PTPRD: variants seen among roughly 807,000 people sequenced by gnomAD.
The protein encoded by PTPRD is protein tyrosine phosphatase receptor type D.
In PTPRD, 34 loss-of-function variants were observed where a neutral mutation model predicts 214.5. The observed-to-expected ratio is 0.16, with a 90% CI of 0.12 to 0.21. PTPRD has a LOEUF of 0.21. PTPRD is among the 10% of genes least tolerant of loss of function. PTPRD has a pLI of 1.00. For synonymous variants in PTPRD, 1,128 were observed against 845.7 expected (o/e 1.33, Z -5.79); for missense variants, 2,545 against 2,398.7 (o/e 1.06, Z -1.27).
At chr9:9,979,071 G>C (rs1207458523) in intron 4 of PTPRD, among the ~76,000 whole-genome samples, 2 of 151,888 alleles carry the variant, frequency 1.3e-5, no homozygotes, top group East Asian at 3.9e-4. Flanking sequence ...GGATAAAATA[G>C]TTTTCAGACA....
intron 35 of PTPRD, among the ~76,000 whole-genome samples, chr9:8,420,009 T>G (rs2094242338): frequency 6.6e-6 from 1 of 152,050 alleles, no homozygotes; most frequent in Non-Finnish European, 1.5e-5. Context: ...ATGTATTGAG[T>G]GTCAGAAAAA....
chr9:10,264,733 T>C (rs901010033), intron 3 of PTPRD, among the ~76,000 whole-genome samples: 1 of 152,158 alleles, frequency 6.6e-6, no homozygotes, highest in Admixed American at 6.5e-5. Context: ...ATGATTAATT[T>C]TGAAATCTGA....
At chr9:9,100,264 G>C (rs771524549) in intron 10 of PTPRD, among the ~76,000 whole-genome samples, 26 of 152,102 alleles carry the variant, frequency 1.7e-4, no homozygotes, top group Non-Finnish European at 3.5e-4. Context: ...GGACACAGCA[G>C]TAGGTATTAC....
At chr9:8,639,931 G>C (rs189263668) in intron 12 of PTPRD, among the ~76,000 whole-genome samples, 1 of 152,154 alleles carries the variant, frequency 6.6e-6, no homozygotes, top group Non-Finnish European at 1.5e-5. Flanking sequence ...AGGCATTGAA[G>C]TTTTTTGTTT....
At chr9:9,941,018 T>C (rs933469761) in intron 4 of PTPRD, among the ~76,000 whole-genome samples, 1 of 151,620 alleles carries the variant, frequency 6.6e-6, no homozygotes, top group Admixed American at 6.6e-5. Context: ...AAAAAAAGAG[T>C]TGTCTTGGGC....
chr9:10,529,556 C>T (rs879524141), intron 2 of PTPRD, among the ~76,000 whole-genome samples: 6 of 98,184 alleles, frequency 6.1e-5, no homozygotes, highest in African/African-American at 1.2e-4. Context: ...ACATCATACA[C>T]GGGGCCTGTT....
intron 5 of PTPRD, among the ~76,000 whole-genome samples, chr9:9,791,699 G>T (rs542300613): frequency 1.3e-5 from 2 of 152,158 alleles, no homozygotes; most frequent in African/African-American, 2.4e-5. Context: ...CTATCATTTA[G>T]ATCTTACCAA....
rs78323472 is a variant in PTPRD, at chr9:8,580,248, C to T, written c.353-51469G>A. Among the ~76,000 whole-genome samples the T allele has an allele frequency of 1.1e-4, 17 of 152,124 alleles. No homozygotes were observed. In the East Asian group the frequency reaches 2.1e-3, roughly 19 times the overall value. On this transcript the variant is annotated intron_variant, in intron 14 of 45. Coordinates refer to ENST00000381196, the MANE Select transcript of PTPRD (RefSeq NM_002839.4). ...GGTAATATGCAAAGAAAGCAATAAG[C>T]ATTAGAGGGAGATAACTGACAAACC...
intron 10 of PTPRD, among the ~76,000 whole-genome samples, chr9:9,118,915 C>T (rs191511998): frequency 6.6e-6 from 1 of 152,180 alleles, no homozygotes; most frequent in East Asian, 1.9e-4. Flanking sequence ...GAAATCACAC[C>T]ACATTTTACT....
intron 6 of PTPRD, among the ~76,000 whole-genome samples, chr9:9,740,410 T>G (rs1201956584): frequency 6.6e-6 from 1 of 151,208 alleles, no homozygotes; most frequent in Non-Finnish European, 1.5e-5. Context: ...CAGGCTGGAG[T>G]GCAGTGGCGT....
chr9:9,412,128 A>T (rs1269486195), intron 8 of PTPRD, among the ~76,000 whole-genome samples: 1 of 152,200 alleles, frequency 6.6e-6, no homozygotes, highest in Admixed American at 6.5e-5. Flanking sequence ...CAAATCATAT[A>T]TAGCACTTTT....
At chr9:10,600,706 A>ATATATATAATTGAATATATATAATT (rs1229515927) in intron 2 of PTPRD, among the ~76,000 whole-genome samples, 1 of 151,828 alleles carries the variant, frequency 6.6e-6, no homozygotes, top group East Asian at 1.9e-4. Flanking sequence ...TTTGTTGTGC[A>ATATATATAATTGAATATATATAATT]GAATAATATA....
At chr9:10,431,791 T>C (rs1469714760) in intron 2 of PTPRD, among the ~76,000 whole-genome samples, 2 of 151,992 alleles carry the variant, frequency 1.3e-5, no homozygotes, top group East Asian at 3.9e-4. Flanking sequence ...AAATAACAGG[T>C]GCTGGAGAGG....
At chr9:10,392,981 C>T (rs2098099250) in intron 2 of PTPRD, among the ~76,000 whole-genome samples, 1 of 151,716 alleles carries the variant, frequency 6.6e-6, no homozygotes, top group Non-Finnish European at 1.5e-5. Context: ...CAGAGCAGAG[C>T]AGTCTAGGAG....
intron 3 of PTPRD, among the ~76,000 whole-genome samples, chr9:10,186,388 T>C (rs1398760101): frequency 6.6e-6 from 1 of 152,124 alleles, no homozygotes; most frequent in Non-Finnish European, 1.5e-5. Context: ...CTCATTTGAT[T>C]TCAGTTCTTA....
chr9:8,456,185 CAG>C (rs747125269), intron 33 of PTPRD, among the ~76,000 whole-genome samples: 12 of 152,114 alleles, frequency 7.9e-5, no homozygotes, highest in Non-Finnish European at 1.2e-4. Flanking sequence ...ATGAATAAGA[CAG>C]AGTCCTTGAC....
chr9:10,065,203 T>A (rs2097856168), intron 3 of PTPRD, among the ~76,000 whole-genome samples: 1 of 31,258 alleles, frequency 3.2e-5, no homozygotes, highest in Non-Finnish European at 7.8e-5. Flanking sequence ...AAAGGATGCT[T>A]TGCAGAGGTC....
chr9:9,750,899 C>T (rs1241568442), intron 6 of PTPRD, among the ~76,000 whole-genome samples: 2 of 152,020 alleles, frequency 1.3e-5, no homozygotes, highest in Non-Finnish European at 2.9e-5. Context: ...AATGGAGGTG[C>T]TCAGGGCAGA....
chr9:9,204,945 G>C (rs979317431), intron 9 of PTPRD, among the ~76,000 whole-genome samples: 2 of 152,192 alleles, frequency 1.3e-5, no homozygotes, highest in African/African-American at 4.8e-5. Context: ...ACTTCCTCAA[G>C]TATCTGCGGC....
Sources: gnomAD v4.1 joint callset for allele counts (sites outside exome capture counted in the v4.1 genomes callset) on GRCh38, gnomAD v4.1.1 for gene constraint, MANE v1.5 for transcripts, NCBI Gene and HGNC (gene_info 2026-07-23, HGNC 2026-07-21) for gene names.